SLC8A2: variants seen among roughly 807,000 people sequenced by gnomAD.
SLC8A2 encodes sodium/calcium exchanger 2.
In SLC8A2, 14 loss-of-function variants were observed where a neutral mutation model predicts 70.2. The observed-to-expected ratio is 0.20, with a 90% CI of 0.13 to 0.31. The LOEUF is 0.31. Among genes scored for constraint, SLC8A2 ranks in the 10% least tolerant of loss-of-function variants. SLC8A2 has a pLI of 1.00. For missense variants in SLC8A2, 779 were observed against 1,320.1 expected (o/e 0.59, Z 6.35); for synonymous variants, 575 against 594.3 (o/e 0.97, Z 0.47).
chr19:47,432,475 C>T lies in SLC8A2; in HGVS notation c.2111-30G>A. On this transcript the variant is annotated intron_variant, in intron 8 of 9. Coordinates refer to ENST00000236877, the MANE Select transcript of SLC8A2 (RefSeq NM_015063.3). This position sits in a 1 kb window ranked among gnomAD's most constrained non-coding sequence, Gnocchi z 6.2. Reference sequence around the variant, plus strand: ...GGGCACACGACCCAGCTGGGGCATACACTCAGACTTCCTTCCTTGCCTACA... The same window carrying T: ...GGGCACACGACCCAGCTGGGGCATATACTCAGACTTCCTTCCTTGCCTACA... The T allele has an allele frequency of 6.5e-7, 1 of 1,543,528 alleles. No homozygotes were observed. The highest frequency in any genetic ancestry group is 8.7e-7 in the Non-Finnish European group (1 of 1,146,182).
At position 47,432,487 on chromosome 19, in the gene SLC8A2, C is replaced by T. The variant is rs1198036030; in HGVS notation, c.2111-42G>A. ...CAGCTGGGGCATACACTCAGACTTC[C>T]TTCCTTGCCTACAGAGGCCCCATTT... On this transcript the variant is annotated intron_variant, in intron 8 of 9. Coordinates refer to ENST00000236877, the MANE Select transcript of SLC8A2 (RefSeq NM_015063.3). The surrounding 1 kb of genome is among the most constrained non-coding windows in gnomAD (Gnocchi z 6.2). The T allele has an allele frequency of 1.3e-6, 2 of 1,521,536 alleles. No individual in the cohort carries two copies. The highest frequency in any genetic ancestry group is 1.3e-5 in the South Asian group (1 of 78,112). The allele number at this position is 1,521,536 out of a possible 1,614,324, so 94.3% of individuals were successfully genotyped here.
chr19:47,447,625 G>T lies in SLC8A2; in HGVS notation c.1763+184C>A. The T allele has an allele frequency of 2.5e-6, 1 of 404,112 alleles. No individual in the cohort carries two copies. Among genetic ancestry groups the T allele is most frequent in the Non-Finnish European group, 4.3e-6 (1 of 235,248 alleles). The allele number at this position is 404,112 out of a possible 1,614,324, so 25.0% of individuals were successfully genotyped here. A position where few individuals can be genotyped will look rare whatever the true frequency, so the allele number is the denominator to read the frequency against. ...TTCAGTGAAGCCCCGCCCACGTCGT[G>T]GGCATGGGTCACAGGCCCCGCCCAC... On this transcript the variant is annotated intron_variant, in intron 4 of 9. Transcript: ENST00000236877. The surrounding 1 kb of genome is among the most constrained non-coding windows in gnomAD (Gnocchi z 5.1).
intron 3 of SLC8A2, among the ~76,000 whole-genome samples, chr19:47,455,827 G>C (rs535148301): frequency 2.0e-5 from 3 of 152,304 alleles, no homozygotes; most frequent in African/African-American, 7.2e-5. Flanking sequence ...ACTGTTGAAT[G>C]AGAGAATATC....
chr19:47,453,632 G>A (rs770631887), intron 3 of SLC8A2, among the ~76,000 whole-genome samples: 22 of 152,148 alleles, frequency 1.4e-4, no homozygotes, highest in Non-Finnish European at 2.6e-4. Flanking sequence ...CAGGTGCAGT[G>A]GCTCACACCT....
rs547558222 is a variant in SLC8A2, at chr19:47,432,745, G to A, written c.2111-300C>T. ...CTTCCATAGAATCCCTTGGAGCTAG[G>A]GGCATGACTGAGTCCAGGTAAAAAA... On this transcript the variant is annotated intron_variant, in intron 8 of 9. Transcript: ENST00000236877. This position sits in a 1 kb window ranked among gnomAD's most constrained non-coding sequence, Gnocchi z 6.2. Among the ~76,000 whole-genome samples, 7 of 151,588 alleles carry A rather than the reference G, an allele frequency of 4.6e-5. No individual in the cohort carries two copies. In the East Asian group the frequency reaches 1.4e-3, roughly 30 times the overall value.
Position 47,437,948 on chromosome 19 carries a change from G to C in SLC8A2, c.1911C>G (p.Ala637=). Residue 637 remains alanine (A), a synonymous_variant, in exon 7 of 10, where the codon GCC becomes GCG. Transcript: ENST00000236877. ...CTATCCTCCGAGCCTCCTCCTCCTC[G>C]GCTGTTAGCTTCCTGTCCCCATCCC... is the stretch of plus-strand genomic sequence containing the variant. The part of the protein sequence containing the change: ...NQGDGDRKLT[A]EEEEARRIAE... 6.2e-7 allele frequency: 1 copy of C among 1,613,922 alleles called. No homozygotes were observed. The highest frequency in any genetic ancestry group is 8.5e-7 in the Non-Finnish European group (1 of 1,179,974).
chr19:47,436,776 A>C (rs830157), intron 8 of SLC8A2, among the ~76,000 whole-genome samples: 147,167 of 152,166 alleles, frequency 0.97, 71,352 homozygotes, highest in East Asian at 1. Context: ...CAAGACCGTC[A>C]GTGGGTACAA....
intron 6 of SLC8A2, among the ~76,000 whole-genome samples, chr19:47,440,827 G>T (rs1278715994): frequency 6.6e-6 from 1 of 152,076 alleles, no homozygotes; most frequent in Non-Finnish European, 1.5e-5. Context: ...CTGACCTCCG[G>T]TGATCCACTC....
intron 4 of SLC8A2, among the ~76,000 whole-genome samples, chr19:47,441,647 G>A (rs1967101295): frequency 1.3e-5 from 2 of 152,192 alleles, no homozygotes; most frequent in South Asian, 2.1e-4. Flanking sequence ...CACTGGTGAG[G>A]AAGCTGAGTC....
intron 3 of SLC8A2, among the ~76,000 whole-genome samples, chr19:47,449,812 G>A (rs761865083): frequency 6.6e-6 from 1 of 152,094 alleles, no homozygotes; most frequent in South Asian, 2.1e-4. Context: ...GTGGGAACGG[G>A]GGCAGATCAC....
chr19:47,460,228 AG>A (rs977150333), intron 2 of SLC8A2, among the ~76,000 whole-genome samples: 3 of 152,168 alleles, frequency 2.0e-5, no homozygotes, highest in African/African-American at 7.2e-5. Context: ...TCATAAAACC[AG>A]TTCCCATGCA....
At chr19:47,437,411 T>G (rs1967043421) in intron 8 of SLC8A2, 51 bp downstream of exon 8, 1 of 1,231,092 alleles carries the variant, frequency 8.1e-7, no homozygotes, top group Non-Finnish European at 1.2e-6. Context: ...CCTTTCCCTG[T>G]GTCTCTGTCT....
At chr19:47,452,798 C>T (rs561673405) in intron 3 of SLC8A2, among the ~76,000 whole-genome samples, 3 of 152,072 alleles carry the variant, frequency 2.0e-5, no homozygotes, top group Non-Finnish European at 4.4e-5. Context: ...TTTGGGAGGC[C>T]GGGGTGGATG....
chr19:47,430,035 CAG>C lies in SLC8A2; in HGVS notation c.*52_*53del. ...GGAGACCAGGGTCCAAGAGCAGGTG[CAG>C]CCGAGTCCCTAGCCCCGGGCGGGCG... On this transcript the variant is annotated 3_prime_UTR_variant, in exon 10 of 10. Coordinates refer to ENST00000236877, the MANE Select transcript of SLC8A2 (RefSeq NM_015063.3). This position sits in a 1 kb window ranked among gnomAD's most constrained non-coding sequence, Gnocchi z 5.9. 6.6e-7 allele frequency: 1 copy of C among 1,516,784 alleles called. No homozygotes were observed. Among genetic ancestry groups the C allele is most frequent in the Non-Finnish European group, 8.8e-7 (1 of 1,129,982 alleles). 94.0% of individuals were successfully genotyped at this position (1,516,784 alleles called of 1,614,324 possible).
chr19:47,456,929 C>T lies in SLC8A2; in HGVS notation c.1340+1G>A. On this transcript the variant is annotated splice_donor_variant, in intron 3 of 9. Coordinates refer to ENST00000236877, the MANE Select transcript of SLC8A2 (RefSeq NM_015063.3). LOFTEE classifies it high-confidence loss of function. The stretch of plus-strand genomic sequence containing the variant: ...CACACCCCCCACCCCGGGGGACCCA[C>T]CTGTACTCGTAGTCGGAGCCCGCCT... 6.2e-7 allele frequency: 1 copy of T among 1,601,480 alleles called. No individual in the cohort carries two copies. Among genetic ancestry groups the T allele is most frequent in the Non-Finnish European group, 8.5e-7 (1 of 1,174,082 alleles).
intron 6 of SLC8A2, 129 bp from the exon 7 acceptor site, chr19:47,438,102 C>T: frequency 9.4e-7 from 1 of 1,059,772 alleles, no homozygotes; most frequent in Non-Finnish European, 1.4e-6. Context: ...CTTGGTGACT[C>T]CTCCCAGCCT....
chr19:47,453,717 A>G (rs1177082293), intron 3 of SLC8A2, among the ~76,000 whole-genome samples: 1 of 152,162 alleles, frequency 6.6e-6, no homozygotes, highest in Non-Finnish European at 1.5e-5. Flanking sequence ...CCTAGACAAC[A>G]TGGTGAAACC....
At chr19:47,467,074 T>A (rs975941467) in intron 1 of SLC8A2, among the ~76,000 whole-genome samples, 1 of 152,076 alleles carries the variant, frequency 6.6e-6, no homozygotes, top group Non-Finnish European at 1.5e-5. Flanking sequence ...ATAAGAATGT[T>A]CATAGCAGCT....
intron 2 of SLC8A2, among the ~76,000 whole-genome samples, chr19:47,458,949 T>C (rs1286164061): frequency 6.9e-6 from 1 of 144,286 alleles, no homozygotes; most frequent in Non-Finnish European, 1.5e-5. Flanking sequence ...GTTCGCCCCC[T>C]CTGTCTCTGT....
Sources: allele counts gnomAD v4.1 joint callset (sites outside exome capture counted in the v4.1 genomes callset), GRCh38; gene constraint gnomAD v4.1.1; non-coding constraint Gnocchi (gnomAD v3.1); transcripts MANE v1.5; gene names NCBI Gene and HGNC (gene_info 2026-07-23, HGNC 2026-07-21).